The following RNF41 variants were observed in gnomAD, a reference collection of about 807,000 sequenced individuals.
RNF41 encodes the protein E3 ubiquitin-protein ligase NRDP1.
In RNF41, 4 loss-of-function variants were observed where a neutral mutation model predicts 33.0. The ratio of observed to expected loss-of-function variants is 0.12; its 90% CI spans 0.06 to 0.28. The LOEUF (loss-of-function observed/expected upper bound fraction) is 0.28, where lower values mean the gene tolerates loss of function less well. Among genes scored for constraint, RNF41 ranks in the 10% least tolerant of loss-of-function variants. RNF41 has a pLI of 1.00. For missense variants in RNF41, 228 were observed against 432.6 expected (o/e 0.53, Z 4.19); for synonymous variants, 164 against 153.2 (o/e 1.07, Z -0.52).
At chr12:56,221,452 CATTT>C (rs1869425728) in intron 1 of RNF41, 4 of 152,412 alleles carry the variant, frequency 2.6e-5, no homozygotes, top group Admixed American at 2.6e-4. Context: ...AATCATTGCC[CATTT>C]AAACACCACG....
intron 3 of RNF41, among the ~76,000 whole-genome samples, chr12:56,212,105 A>G (rs564382816): frequency 4.6e-4 from 70 of 152,368 alleles, no homozygotes; most frequent in African/African-American, 1.7e-3. Flanking sequence ...ACATGGTGAA[A>G]CACAGATATA....
rs757796840 is a variant in RNF41, at chr12:56,210,440, C to G, written c.219G>C (p.Arg73=). The G allele has an allele frequency of 3.2e-5, 51 of 1,614,088 alleles. No homozygotes were observed. The highest frequency in any genetic ancestry group is 4.2e-5 in the Non-Finnish European group (49 of 1,180,050). The part of the protein sequence containing the change: ...AHLRPVPRIM[R]NMLSKLQIAC... ...CAATCTGCAGCTTTGACAACATGTT[C>G]CGCATGATCCGAGGTACTGGGCGCA... The change falls in exon 4 of 7, where the codon CGG becomes CGC. Residue 73 remains arginine (R), a synonymous_variant. Coordinates refer to ENST00000345093, the MANE Select transcript of RNF41 (RefSeq NM_005785.4).
rs1190761760 is a variant in RNF41, at chr12:56,206,435, A to C, written c.*12T>G. ...TGATTTCCATCTCTTCCTGATAGCC[A>C]GTCGAGTTCTCTTATATCTCTTCCA... On this transcript the variant is annotated 3_prime_UTR_variant, in exon 7 of 7. Transcript: ENST00000345093. This position sits in a 1 kb window ranked among gnomAD's most constrained non-coding sequence, Gnocchi z 5.7. 5.0e-6 allele frequency: 8 copies of C among 1,589,800 alleles called. No homozygotes were observed. Among genetic ancestry groups the C allele is most frequent in the Non-Finnish European group, 6.9e-6 (8 of 1,164,528 alleles).
intron 1 of RNF41, among the ~76,000 whole-genome samples, chr12:56,218,014 C>T (rs370701659): frequency 5.9e-5 from 9 of 152,082 alleles, no homozygotes; most frequent in East Asian, 3.9e-4. Flanking sequence ...AGTGCAATGG[C>T]GCGATCTTGG....
chr12:56,220,165 G>A (rs1869255245), intron 1 of RNF41, among the ~76,000 whole-genome samples: 1 of 151,990 alleles, frequency 6.6e-6, no homozygotes, highest in Admixed American at 6.6e-5. Flanking sequence ...TAGCACTTTG[G>A]GAAGCCGAGA....
In RNF41 at chr12:56,207,696, G is replaced by A. The variant is rs777483595; in HGVS notation, c.552C>T (p.Asn184=). 1 of 1,614,188 alleles carries A rather than the reference G, an allele frequency of 6.2e-7. No individual in the cohort carries two copies. Among genetic ancestry groups the A allele is most frequent in the Non-Finnish European group, 8.5e-7 (1 of 1,179,994 alleles). The change falls in exon 6 of 7, where the codon AAC becomes AAT. Residue 184 remains asparagine, a synonymous_variant. Transcript: ENST00000345093. ...KAYMRAIRSV[N]PNLQNLEETI... ...TCTCCTCCAGGTTCTGAAGGTTGGGGTTGACACTGCGGATTGCACGCATGT... is the reference window on the plus strand; with the variant it reads ...TCTCCTCCAGGTTCTGAAGGTTGGGATTGACACTGCGGATTGCACGCATGT...
chr12:56,217,959 T>C (rs1869030512), intron 1 of RNF41, among the ~76,000 whole-genome samples: 1 of 140,324 alleles, frequency 7.1e-6, no homozygotes, highest in Non-Finnish European at 1.5e-5. Context: ...ACATAAATTA[T>C]TATTATTATT....
In RNF41 at chr12:56,206,669, G is replaced by A. The variant is rs372673697; in HGVS notation, c.732C>T (p.Asn244=). ...GCTCGTGGGCATTTTCAATCAGCTC[G>A]TTGACAATAGAAGCAGGACAGCCAC... ...VESGCPASIV[N]ELIENAHERS... The change falls in exon 7 of 7, where the codon AAC becomes AAT. Residue 244 remains asparagine, a synonymous_variant. Coordinates refer to ENST00000345093, the MANE Select transcript of RNF41 (RefSeq NM_005785.4). The surrounding 1 kb of genome is among the most constrained non-coding windows in gnomAD (Gnocchi z 5.7). 14 of 1,614,004 alleles carry A rather than the reference G, an allele frequency of 8.7e-6. No homozygotes were observed. The highest frequency in any genetic ancestry group is 4.0e-5 in the African/African-American group (3 of 74,874).
chr12:56,220,006 G>C (rs1171170752), intron 1 of RNF41, among the ~76,000 whole-genome samples: 1 of 143,648 alleles, frequency 7.0e-6, no homozygotes, highest in African/African-American at 2.5e-5. Context: ...GACAGAGTGA[G>C]ACCCTGTCTC....
rs1555229260 is a variant in RNF41 at position 56,220,060 on chromosome 12, T to TAA, written c.-209+1699_-209+1700insTT. 5.3e-4 allele frequency among the ~76,000 whole-genome samples: 64 copies of TAA among 120,980 alleles called. No homozygotes were observed. In the East Asian group the frequency reaches 8.0e-3, roughly 15 times the overall value. 79.4% of individuals were successfully genotyped at this position (120,980 alleles called of 152,430 possible). On this transcript the variant is annotated intron_variant, in intron 1 of 6. Transcript: ENST00000345093. ...AAATAAATAAATAAATAAATAAATA[T>TAA]GAAAGGATACTGAATACTGTTATCC...
intron 3 of RNF41, among the ~76,000 whole-genome samples, chr12:56,211,214 C>T (rs1868452772): frequency 6.6e-6 from 1 of 151,836 alleles, no homozygotes; most frequent in South Asian, 2.1e-4. Context: ...GCCTATAGTC[C>T]CAGCTAGCCA....
intron 1 of RNF41, among the ~76,000 whole-genome samples, chr12:56,219,492 G>C (rs1869173492): frequency 6.6e-6 from 1 of 151,448 alleles, no homozygotes; most frequent in Admixed American, 6.6e-5. Flanking sequence ...ACCGCGCCCA[G>C]CCAATTTTTA....
chr12:56,219,191 A>ATTTTT (rs1234168106), intron 1 of RNF41, among the ~76,000 whole-genome samples: 1 of 143,536 alleles, frequency 7.0e-6, no homozygotes, highest in Admixed American at 7.0e-5. Flanking sequence ...TTATTTATTT[A>ATTTTT]TTTATTTATT....
At chr12:56,220,211 T>A (rs1469570564) in intron 1 of RNF41, among the ~76,000 whole-genome samples, 1 of 151,544 alleles carries the variant, frequency 6.6e-6, no homozygotes, top group Non-Finnish European at 1.5e-5. Context: ...TTTGTTTTGT[T>A]TTTTTTGGCG....
intron 4 of RNF41, chr12:56,209,984 T>G: frequency 8.6e-6 from 3 of 350,130 alleles, no homozygotes; most frequent in South Asian, 4.2e-5. Flanking sequence ...AGGCTGGCAA[T>G]TATAGCAGTC....
chr12:56,211,381 A>C (rs1868464758), intron 3 of RNF41, among the ~76,000 whole-genome samples: 1 of 151,958 alleles, frequency 6.6e-6, no homozygotes, highest in African/African-American at 2.4e-5. Flanking sequence ...CCTGTGCTCA[A>C]GATTAAAAAT....
intron 3 of RNF41, among the ~76,000 whole-genome samples, chr12:56,212,550 A>C (rs1477769607): frequency 6.6e-6 from 1 of 152,056 alleles, no homozygotes; most frequent in Non-Finnish European, 1.5e-5. Context: ...AAAACAGACA[A>C]GGCCCTGCCA....
Position 56,206,351 on chromosome 12 carries a change from A to G in RNF41, c.*96T>C. On this transcript the variant is annotated 3_prime_UTR_variant, in exon 7 of 7. Coordinates refer to ENST00000345093, the MANE Select transcript of RNF41 (RefSeq NM_005785.4). The surrounding 1 kb of genome is among the most constrained non-coding windows in gnomAD (Gnocchi z 5.7). ...GAGATGTGTGGCTCAGGTATAAGCC[A>G]CAGTATTAAGAATGGTGGGTAGGAC... is the stretch of plus-strand genomic sequence containing the variant. 1.9e-6 allele frequency: 2 copies of G among 1,064,436 alleles called. No homozygotes were observed. The highest frequency in any genetic ancestry group is 2.8e-6 in the Non-Finnish European group (2 of 723,928). 65.9% of individuals were successfully genotyped at this position (1,064,436 alleles called of 1,614,324 possible). A position where few individuals can be genotyped will look rare whatever the true frequency, so the allele number is the denominator to read the frequency against.
Position 56,210,376 on chromosome 12 carries a change from G to A in RNF41, c.283C>T (p.Arg95Trp), listed in dbSNP as rs761901925. The stretch of plus-strand genomic sequence containing the variant: ...AGGTGAGACATGAGGTTGTCAAGCC[G>A]GACAACGGCACTACAGCCGAACACA... The part of the protein sequence containing the change: ...NAVFGCSAVV[R>W]LDNLMSHLSD... The change falls in exon 4 of 7, where the codon CGG becomes TGG. Residue 95 changes from arginine (R) to tryptophan (W), a missense_variant. Physicochemically the swap from Arg to Trp is moderately radical, Grantham distance 101. This residue lies in a region of RNF41 where 199 missense variants were observed against 334.6 expected (regional missense o/e 0.59). Transcript: ENST00000345093. 4 of 1,614,126 alleles carry A rather than the reference G, an allele frequency of 2.5e-6. No individual in the cohort carries two copies. Among genetic ancestry groups the A allele is most frequent in the East Asian group, 2.2e-5 (1 of 44,876 alleles).
Sources: allele counts gnomAD v4.1 joint callset (sites outside exome capture counted in the v4.1 genomes callset), GRCh38; gene constraint gnomAD v4.1.1; regional missense constraint gnomAD v4.1.1; non-coding constraint Gnocchi (gnomAD v3.1); transcripts MANE v1.5; gene names NCBI Gene and HGNC (gene_info 2026-07-23, HGNC 2026-07-21).